The following PCDHA10 variants were observed in gnomAD, a reference collection of about 807,000 sequenced individuals.
PCDHA10 encodes protocadherin alpha 10.
Under a neutral mutation model 61.2 loss-of-function variants are expected in PCDHA10, and 45 were observed. That is an observed-to-expected ratio of 0.74 (90% CI 0.58 to 0.94). The LOEUF (loss-of-function observed/expected upper bound fraction) is 0.94. PCDHA10 is among the 40% of genes least tolerant of loss of function. PCDHA10 has a pLI of 0.00. For synonymous variants in PCDHA10, 602 were observed against 548.8 expected (o/e 1.10, Z -1.35); for missense variants, 1,278 against 1,236.2 (o/e 1.03, Z -0.51).
chr5:140,878,556 A>C (rs959852623), intron 1 of PCDHA10, among the ~76,000 whole-genome samples: 1 of 152,156 alleles, frequency 6.6e-6, no homozygotes. Context: ...GATGATCCCA[A>C]ACTTATCATA....
chr5:140,907,034 C>G (rs1554192846), intron 1 of PCDHA10, among the ~76,000 whole-genome samples: 1 of 152,142 alleles, frequency 6.6e-6, no homozygotes, highest in Admixed American at 6.5e-5. Context: ...AACATAATGT[C>G]ACAGGGACAG....
chr5:140,950,874 G>C (rs1237864508), intron 1 of PCDHA10, among the ~76,000 whole-genome samples: 20 of 151,700 alleles, frequency 1.3e-4, no homozygotes, highest in African/African-American at 4.8e-4. Flanking sequence ...ATTCTATATT[G>C]TTCAATAGGT....
rs1246162498 is a variant in PCDHA10, at chr5:140,856,839, A to G, written c.791A>G (p.Asn264Ser). ...AACCAAACATTAGTAATACGGCTCA[A>G]CGCTTCTGATTCGGATGAAGGAATA... is the stretch of plus-strand genomic sequence containing the variant. ...QVNQTLVIRL[N>S]ASDSDEGINK... The change falls in exon 1 of 4, where the codon AAC (asparagine) becomes AGC (serine). Residue 264 changes from asparagine (N) to serine (S), a missense_variant. Physicochemically the swap from Asn to Ser is conservative, Grantham distance 46. Coordinates refer to ENST00000307360, the MANE Select transcript of PCDHA10 (RefSeq NM_018901.4). 1.3e-6 allele frequency: 2 copies of G among 1,592,670 alleles called. No homozygotes were observed. The highest frequency in any genetic ancestry group is 1.3e-5 in the African/African-American group (1 of 74,342).
intron 3 of PCDHA10, among the ~76,000 whole-genome samples, chr5:141,003,283 G>A (rs1331116001): frequency 3.3e-5 from 5 of 152,188 alleles, no homozygotes; most frequent in African/African-American, 1.2e-4. Flanking sequence ...GCCCAAATTG[G>A]ATTATAGGAT....
chr5:140,862,674 C>A (rs782474067), intron 1 of PCDHA10: 5 of 549,972 alleles, frequency 9.1e-6, no homozygotes, highest in Non-Finnish European at 1.5e-5. Context: ...CGCAGGAGAA[C>A]GTGCTGGTGT....
At chr5:140,923,112 T>C (rs1159250649) in intron 1 of PCDHA10, among the ~76,000 whole-genome samples, 2 of 152,144 alleles carry the variant, frequency 1.3e-5, no homozygotes, top group Non-Finnish European at 2.9e-5. Flanking sequence ...TGATTTTAAG[T>C]TTTTAGGGTC....
intron 3 of PCDHA10, among the ~76,000 whole-genome samples, chr5:140,991,587 C>T (rs1469333893): frequency 1.3e-5 from 2 of 152,208 alleles, no homozygotes; most frequent in African/African-American, 2.4e-5. Flanking sequence ...CTTATTTCTA[C>T]CTGAGCCCTC....
intron 1 of PCDHA10, chr5:140,884,015 C>T: frequency 6.2e-7 from 1 of 1,613,158 alleles, no homozygotes. Flanking sequence ...GCTGATGCCG[C>T]GGTCGGTGGG....
chr5:140,989,893 A>T (rs1436233809), intron 3 of PCDHA10, among the ~76,000 whole-genome samples: 1 of 151,928 alleles, frequency 6.6e-6, no homozygotes, highest in Non-Finnish European at 1.5e-5. Context: ...AGTCTCCGTT[A>T]TTCACAATCA....
chr5:140,957,852 A>AT (rs5871756), intron 1 of PCDHA10, among the ~76,000 whole-genome samples: 44,688 of 151,688 alleles, frequency 0.29, 7,154 homozygotes, highest in East Asian at 0.53. Context: ...GAGTTTGTGT[A>AT]TTTTTTTTCC....
At chr5:140,920,093 T>C (rs1289681170) in intron 1 of PCDHA10, among the ~76,000 whole-genome samples, 1 of 152,176 alleles carries the variant, frequency 6.6e-6, no homozygotes, top group African/African-American at 2.4e-5. Flanking sequence ...GTAGAGCCTC[T>C]AAAGGGAGTG....
At chr5:140,945,349 T>G (rs578151486) in intron 1 of PCDHA10, among the ~76,000 whole-genome samples, 43 of 152,144 alleles carry the variant, frequency 2.8e-4, no homozygotes, top group Non-Finnish European at 4.9e-4. Context: ...TTGGAAAAAT[T>G]AATACTGTTT....
At chr5:140,882,400 C>T (rs782194379) in intron 1 of PCDHA10, 10 of 1,614,172 alleles carry the variant, frequency 6.2e-6, no homozygotes, top group Admixed American at 3.3e-5. Context: ...ACGGCACCTT[C>T]GTGGGCCGCA....
At chr5:140,873,858 A>G (rs1238963531) in intron 1 of PCDHA10, among the ~76,000 whole-genome samples, 9 of 152,022 alleles carry the variant, frequency 5.9e-5, no homozygotes, top group African/African-American at 1.9e-4. Context: ...ATGGGTTTTC[A>G]CCATGTTGGC....
chr5:140,876,148 G>A, intron 1 of PCDHA10: 1 of 1,613,954 alleles, frequency 6.2e-7, no homozygotes, highest in East Asian at 2.2e-5. Context: ...AACAGGGTCT[G>A]TCCAGATTCA....
At chr5:140,927,142 G>T (rs781883795) in intron 1 of PCDHA10, 1 of 1,614,128 alleles carries the variant, frequency 6.2e-7, no homozygotes, top group South Asian at 1.1e-5. Context: ...GGCGGACCGC[G>T]AACAGCTGTG....
chr5:140,868,245 C>T (rs1264028092), intron 1 of PCDHA10: 1 of 152,002 alleles, frequency 6.6e-6, no homozygotes, highest in Non-Finnish European at 1.5e-5. Context: ...GATCAATAGA[C>T]TTTTCCTTTG....
chr5:140,990,304 A>C (rs114506238), intron 3 of PCDHA10, among the ~76,000 whole-genome samples: 1 of 152,168 alleles, frequency 6.6e-6, no homozygotes, highest in African/African-American at 2.4e-5. Context: ...CATTGTCTGT[A>C]AAAAACCAAC....
chr5:140,948,276 G>A (rs375889469), intron 1 of PCDHA10, among the ~76,000 whole-genome samples: 1 of 151,520 alleles, frequency 6.6e-6, no homozygotes, highest in East Asian at 1.9e-4. Context: ...TAGAATATCT[G>A]TAAATAATTT....
Sources: allele counts gnomAD v4.1 joint callset (sites outside exome capture counted in the v4.1 genomes callset), GRCh38; gene constraint gnomAD v4.1.1; transcripts MANE v1.5; gene names NCBI Gene and HGNC (gene_info 2026-07-23, HGNC 2026-07-21).